Variants in SPOCK1 observed in about 807,000 individuals in gnomAD.
SPOCK1 encodes SPARC (osteonectin), cwcv and kazal like domains proteoglycan 1, also known as testican-1.
SPOCK1 carries 23 observed loss-of-function variants against 55.3 expected under a neutral mutation model. The ratio of observed to expected loss-of-function variants is 0.42; its 90% CI spans 0.30 to 0.59. The LOEUF is 0.59. Among genes scored for constraint, SPOCK1 ranks in the 20% least tolerant of loss-of-function variants. The pLI is 0.22. For missense variants in SPOCK1, 499 were observed against 552.5 expected (o/e 0.90, Z 0.97); for synonymous variants, 226 against 221.0 (o/e 1.02, Z -0.20).
intron 3 of SPOCK1, among the ~76,000 whole-genome samples, chr5:137,263,137 A>G (rs964089270): frequency 1.3e-5 from 2 of 152,208 alleles, no homozygotes; most frequent in Non-Finnish European, 2.9e-5. Context: ...TGCCAAATAC[A>G]TTACCTCCTC....
At chr5:137,133,958 T>TG (rs1370762104) in intron 4 of SPOCK1, among the ~76,000 whole-genome samples, 181 of 6,686 alleles carry the variant, frequency 0.027, no homozygotes, top group South Asian at 0.053. Flanking sequence ...GGGCTGGGGG[T>TG]GGGGGGGGTA....
intron 3 of SPOCK1, among the ~76,000 whole-genome samples, chr5:137,212,849 C>A (rs1755643159): frequency 1.3e-5 from 2 of 152,186 alleles, no homozygotes; most frequent in Non-Finnish European, 2.9e-5. Flanking sequence ...GTTGGCTGGA[C>A]AAAGACGCTG....
At chr5:137,069,945 A>G (rs1752580328) in intron 5 of SPOCK1, among the ~76,000 whole-genome samples, 1 of 152,154 alleles carries the variant, frequency 6.6e-6, no homozygotes, top group Non-Finnish European at 1.5e-5. Context: ...CCCCTCTCCA[A>G]CCCATTCTCT....
At chr5:137,118,845 C>T (rs1056244541) in intron 4 of SPOCK1, among the ~76,000 whole-genome samples, 2 of 152,202 alleles carry the variant, frequency 1.3e-5, no homozygotes, top group Non-Finnish European at 2.9e-5. Flanking sequence ...ACTGTTTTCG[C>T]TCTGCATATG....
At chr5:137,138,983 A>G (rs1467745059) in intron 4 of SPOCK1, among the ~76,000 whole-genome samples, 1 of 152,198 alleles carries the variant, frequency 6.6e-6, no homozygotes, top group African/African-American at 2.4e-5. Context: ...ATGCCTCACT[A>G]GCTTCAGTCC....
intron 3 of SPOCK1, among the ~76,000 whole-genome samples, chr5:137,236,512 A>T (rs1227915760): frequency 6.6e-6 from 1 of 151,720 alleles, no homozygotes; most frequent in Non-Finnish European, 1.5e-5. Context: ...CTCTGCTTAA[A>T]CTCTCCCTGT....
intron 6 of SPOCK1, among the ~76,000 whole-genome samples, chr5:137,015,640 A>G (rs1461276857): frequency 1.3e-5 from 2 of 152,202 alleles, no homozygotes; most frequent in Admixed American, 1.3e-4. Context: ...AGTTCTCAGC[A>G]TGGGAGAAAA....
At chr5:137,300,321 G>C (rs1757564574) in intron 2 of SPOCK1, among the ~76,000 whole-genome samples, 1 of 152,020 alleles carries the variant, frequency 6.6e-6, no homozygotes, top group Non-Finnish European at 1.5e-5. Context: ...ACATGGTTTT[G>C]AAGTACTTGT....
chr5:137,220,287 T>G (rs1386024391), intron 3 of SPOCK1, among the ~76,000 whole-genome samples: 1 of 152,068 alleles, frequency 6.6e-6, no homozygotes, highest in Non-Finnish European at 1.5e-5. Flanking sequence ...AAAACAACCT[T>G]CTCTCATTTT....
intron 3 of SPOCK1, among the ~76,000 whole-genome samples, chr5:137,177,523 C>T (rs905956084): frequency 9.9e-5 from 15 of 151,778 alleles, no homozygotes; most frequent in African/African-American, 3.6e-4. Flanking sequence ...ATCATGCAGT[C>T]GTGGCAAAGA....
At chr5:137,054,651 T>C (rs1752269328) in intron 6 of SPOCK1, among the ~76,000 whole-genome samples, 1 of 152,138 alleles carries the variant, frequency 6.6e-6, no homozygotes, top group African/African-American at 2.4e-5. Context: ...GAGGCCAACT[T>C]GAATCAGAAG....
chr5:137,306,423 G>T (rs754670678), intron 2 of SPOCK1, among the ~76,000 whole-genome samples: 2 of 152,202 alleles, frequency 1.3e-5, no homozygotes, highest in Non-Finnish European at 2.9e-5. Context: ...GAATTAATTA[G>T]ATTCCCTGTG....
At chr5:137,160,639 T>C (rs185476066) in intron 3 of SPOCK1, among the ~76,000 whole-genome samples, 1,745 of 85,346 alleles carry the variant, frequency 0.02, 89 homozygotes, top group African/African-American at 0.08. Context: ...TAATATATAA[T>C]ATATATTTTA....
chr5:137,272,734 A>AC lies in SPOCK1; in HGVS notation c.187-5680dup, dbSNP rs35508523. Among the ~76,000 whole-genome samples the AC allele has an allele frequency of 7.5e-4, 77 of 102,804 alleles. No homozygotes were observed. In the East Asian group the frequency reaches 0.026, roughly 34 times the overall value. The allele number at this position is 102,804 out of a possible 152,430, so 67.4% of individuals were successfully genotyped here. A position where few individuals can be genotyped will look rare whatever the true frequency, so the allele number is the denominator to read the frequency against. ...CTGTGTGCACAAATCACCCACCCCCACCCCCCCACCCCCCAACACACACAC... is the reference window on the plus strand; with the variant it reads ...CTGTGTGCACAAATCACCCACCCCCACCCCCCCCACCCCCCAACACACACAC... On this transcript the variant is annotated intron_variant, in intron 2 of 10. Coordinates refer to ENST00000394945, the MANE Select transcript of SPOCK1 (RefSeq NM_004598.4).
intron 3 of SPOCK1, among the ~76,000 whole-genome samples, chr5:137,252,950 T>G (rs1756564594): frequency 6.6e-6 from 1 of 152,096 alleles, no homozygotes; most frequent in African/African-American, 2.4e-5. Context: ...CCCCTCCAGG[T>G]CCTCGGTGGT....
chr5:137,055,799 A>C (rs1002876329), intron 6 of SPOCK1, among the ~76,000 whole-genome samples: 1 of 152,002 alleles, frequency 6.6e-6, no homozygotes, highest in African/African-American at 2.4e-5. Context: ...GAAAGAACAG[A>C]CTGCCTGAGC....
At chr5:136,981,233 T>C (rs1750725012) in intron 9 of SPOCK1, among the ~76,000 whole-genome samples, 1 of 152,250 alleles carries the variant, frequency 6.6e-6, no homozygotes, top group East Asian at 1.9e-4. Flanking sequence ...TATTCTTCTA[T>C]AACTGAGCTT....
At chr5:137,302,591 TAAATAAATA>T (rs1388892074) in intron 2 of SPOCK1, among the ~76,000 whole-genome samples, 2 of 132,688 alleles carry the variant, frequency 1.5e-5, no homozygotes, top group African/African-American at 3.3e-5. Flanking sequence ...AATAAATAAA[TAAATAAATA>T]AATAAATAAA....
chr5:137,484,708 T>C (rs1011345681), intron 2 of SPOCK1, among the ~76,000 whole-genome samples: 8 of 152,160 alleles, frequency 5.3e-5, no homozygotes, highest in African/African-American at 1.4e-4. Flanking sequence ...AAGGAAATCA[T>C]TGTAAATGTA....
Sources: allele counts gnomAD v4.1 joint callset (sites outside exome capture counted in the v4.1 genomes callset), GRCh38; gene constraint gnomAD v4.1.1; transcripts MANE v1.5; gene names NCBI Gene and HGNC (gene_info 2026-07-23, HGNC 2026-07-21).